Variants in SULT2A1 observed in about 807,000 individuals in gnomAD.
The protein encoded by SULT2A1 is sulfotransferase family 2A member 1.
Under a neutral mutation model 33.9 loss-of-function variants are expected in SULT2A1, and 43 were observed. That is an observed-to-expected ratio of 1.27 (90% CI 1.00 to 1.64). The LOEUF (loss-of-function observed/expected upper bound fraction) is 1.64, where lower values mean the gene tolerates loss of function less well. Among genes scored for constraint, SULT2A1 ranks in the 40% most tolerant of loss-of-function variants. SULT2A1 has a pLI of 0.00. For missense variants in SULT2A1, 300 were observed against 335.1 expected (o/e 0.90, Z 0.82); for synonymous variants, 125 against 113.6 (o/e 1.10, Z -0.64).
chr19:47,874,381 A>T (rs994158037), intron 5 of SULT2A1, among the ~76,000 whole-genome samples: 1 of 152,096 alleles, frequency 6.6e-6, no homozygotes, highest in Admixed American at 6.6e-5. Flanking sequence ...TTTACTAAAG[A>T]TACAAAAATT....
At chr19:47,875,954 C>G (rs925271336) in intron 4 of SULT2A1, among the ~76,000 whole-genome samples, 1 of 152,080 alleles carries the variant, frequency 6.6e-6, no homozygotes, top group Non-Finnish European at 1.5e-5. Flanking sequence ...TATATTTCAT[C>G]TCAATAATTA....
chr19:47,873,614 CTTTTTTTTTTT>C (rs61271763), intron 5 of SULT2A1, among the ~76,000 whole-genome samples: 6 of 62,098 alleles, frequency 9.7e-5, no homozygotes, highest in East Asian at 1.4e-3. Context: ...GGACAGATCT[CTTTTTTTTTTT>C]TTTTTTTTTT....
At chr19:47,882,371 G>A (rs890823236) in intron 2 of SULT2A1, among the ~76,000 whole-genome samples, 161 bp from the exon 3 acceptor site, 3 of 152,036 alleles carry the variant, frequency 2.0e-5, no homozygotes, top group Non-Finnish European at 2.9e-5. Flanking sequence ...CAAATTTGAT[G>A]TGCCTATGAA....
At chr19:47,885,636 C>A (rs1385271472) in intron 1 of SULT2A1, among the ~76,000 whole-genome samples, 2 of 152,146 alleles carry the variant, frequency 1.3e-5, no homozygotes, top group Non-Finnish European at 2.9e-5. Context: ...GCTCTTACCG[C>A]CCTCCACCCA....
chr19:47,879,137 G>T lies in SULT2A1; in HGVS notation c.473-7C>A. The T allele has an allele frequency of 6.3e-7, 1 of 1,590,724 alleles. No homozygotes were observed. The highest frequency in any genetic ancestry group is 8.6e-7 in the Non-Finnish European group (1 of 1,159,088). ...AACCATGACCCATATAGCACTGCATGGGGTGGCAGAAAAAGTGATAGGTTA... is the reference window on the plus strand; with the variant it reads ...AACCATGACCCATATAGCACTGCATTGGGTGGCAGAAAAAGTGATAGGTTA... On this transcript the variant is annotated splice_polypyrimidine_tract_variant and splice_region_variant and intron_variant, in intron 3 of 5. Coordinates refer to ENST00000222002, the MANE Select transcript of SULT2A1 (RefSeq NM_003167.4).
In SULT2A1 at chr19:47,871,128, T is replaced by C. The variant is rs4149454; in HGVS notation, c.*327A>G. 0.23 allele frequency: 40,098 copies of C among 173,210 alleles called. 5,709 individuals are homozygous for C. The highest frequency in any genetic ancestry group is 0.3 in the Non-Finnish European group (24,728 of 83,812). The allele number at this position is 173,210 out of a possible 1,614,324, so 10.7% of individuals were successfully genotyped here. ...TCCCAAAGTGCTGGGATTACAGACA[T>C]GAGCCAATGCGCCTGGCTAATTTTT... On this transcript the variant is annotated 3_prime_UTR_variant, in exon 6 of 6. Transcript: ENST00000222002.
intron 3 of SULT2A1, 118 bp downstream of exon 3, chr19:47,881,966 C>T (rs1032773325): frequency 1.4e-6 from 2 of 1,395,782 alleles, no homozygotes; most frequent in African/African-American, 2.9e-5. Context: ...GGTTTGGCCT[C>T]CAGGGGTGGT....
intron 5 of SULT2A1, among the ~76,000 whole-genome samples, chr19:47,873,077 G>A (rs772838405): frequency 6.6e-6 from 1 of 151,596 alleles, no homozygotes; most frequent in Non-Finnish European, 1.5e-5. Flanking sequence ...TTACTTTTAC[G>A]ATTGCCCAAG....
At chr19:47,872,509 C>T (rs1322215257) in intron 5 of SULT2A1, among the ~76,000 whole-genome samples, 2 of 152,104 alleles carry the variant, frequency 1.3e-5, no homozygotes, top group African/African-American at 2.4e-5. Flanking sequence ...CACGCTCCTT[C>T]TCCTTGGAAC....
At chr19:47,876,582 C>G (rs2060818479) in intron 4 of SULT2A1, among the ~76,000 whole-genome samples, 1 of 151,958 alleles carries the variant, frequency 6.6e-6, no homozygotes, top group Admixed American at 6.6e-5. Flanking sequence ...CCAGCTTGGT[C>G]AACGTGGTGA....
At position 47,870,718 on chromosome 19, in the gene SULT2A1, G is replaced by A. The variant is rs1456461339; in HGVS notation, c.*737C>T. ...ATTTAGACATCCTTTTAGGTAGTAC[G>A]TACATTATTCTTGTAGCATTCTGTA... On this transcript the variant is annotated 3_prime_UTR_variant, in exon 6 of 6. Transcript: ENST00000222002. 3 of 147,418 alleles carry A rather than the reference G, an allele frequency of 2.0e-5. No homozygotes were observed. Among genetic ancestry groups the A allele is most frequent in the African/African-American group, 4.9e-5 (2 of 41,076 alleles). The allele number at this position is 147,418 out of a possible 1,614,324, so 9.1% of individuals were successfully genotyped here.
In SULT2A1 at chr19:47,886,249, G is replaced by A. The variant is rs766762786; in HGVS notation, c.9C>T (p.Asp3=). ...CTATGCCTTCAAACCATAAGAAATC[G>A]TCCGACATGATGATGACCTCTTCCT... MS[D]DFLWFEGIAF... is the part of the protein sequence containing the mutation. Residue 3 remains aspartate (D), a synonymous_variant, in exon 1 of 6, where the codon GAC becomes GAT. Coordinates refer to ENST00000222002, the MANE Select transcript of SULT2A1 (RefSeq NM_003167.4). The A allele has an allele frequency of 3.8e-5, 62 of 1,613,802 alleles. No homozygotes were observed. Among genetic ancestry groups the A allele is most frequent in the Middle Eastern group, 1.6e-4 (1 of 6,082 alleles).
chr19:47,881,280 C>T (rs1600038232), intron 3 of SULT2A1, among the ~76,000 whole-genome samples: 1 of 152,144 alleles, frequency 6.6e-6, no homozygotes, highest in Non-Finnish European at 1.5e-5. Context: ...AGGTGATCCA[C>T]CTGCCTTGGC....
chr19:47,877,113 A>G (rs1029457702), intron 4 of SULT2A1, among the ~76,000 whole-genome samples: 2 of 151,054 alleles, frequency 1.3e-5, no homozygotes, highest in Non-Finnish European at 2.9e-5. Context: ...TGCCCAGACC[A>G]TAGGCCATAG....
At chr19:47,871,622 C>T in intron 5 of SULT2A1, 55 bp from the exon 6 acceptor site, 1 of 1,150,882 alleles carries the variant, frequency 8.7e-7, no homozygotes, top group Non-Finnish European at 1.3e-6. Flanking sequence ...TGACCTGTCT[C>T]CACCAGGCAC....
chr19:47,883,204 T>C (rs773682603), intron 2 of SULT2A1, among the ~76,000 whole-genome samples: 67 of 152,010 alleles, frequency 4.4e-4, no homozygotes, highest in Non-Finnish European at 8.7e-4. Context: ...GTCTTTTCTG[T>C]GGCAGGAGGC....
rs1968480868 is a variant in SULT2A1, at chr19:47,870,682, TA to T, written c.*772del. 1 of 148,030 alleles carries T rather than the reference TA, an allele frequency of 6.8e-6. No homozygotes were observed. The highest frequency in any genetic ancestry group is 1.9e-4 in the East Asian group (1 of 5,196). The allele number at this position is 148,030 out of a possible 1,614,324, so 9.2% of individuals were successfully genotyped here. ...TGTCACTGTAGCTATTTCTTATTTT[TA>T]TTAACAAACATTTAGACATCCTTTT... is the stretch of plus-strand genomic sequence containing the variant. On this transcript the variant is annotated 3_prime_UTR_variant, in exon 6 of 6. Transcript: ENST00000222002.
Position 47,871,358 on chromosome 19 carries a change from AAAT to A in SULT2A1, c.*94_*96del. 1.1e-6 allele frequency: 1 copy of A among 917,020 alleles called. No homozygotes were observed. The highest frequency in any genetic ancestry group is 1.7e-6 in the Non-Finnish European group (1 of 578,602). The allele number at this position is 917,020 out of a possible 1,614,324, so 56.8% of individuals were successfully genotyped here. On this transcript the variant is annotated 3_prime_UTR_variant, in exon 6 of 6. Transcript: ENST00000222002. ...GTTTGATATTTAAGGTTTCAGGATA[AAAT>A]AATAAGTCTTACACAATGACCCCAG...
Position 47,872,164 on chromosome 19 carries a change from C to T in SULT2A1, c.746-597G>A, listed in dbSNP as rs62529872. Among the ~76,000 whole-genome samples the T allele has an allele frequency of 6.4e-3, 975 of 152,220 alleles. 6 individuals are homozygous for T. The highest frequency in any genetic ancestry group is 0.011 in the Non-Finnish European group (758 of 68,000). On this transcript the variant is annotated intron_variant, in intron 5 of 5. Transcript: ENST00000222002. Reference sequence around the variant, plus strand: ...AACTTCTGACCTCAGGTGATCCGCCCGCCTTGGCCTCCCAAAGTGCTGGGA... The same window carrying T: ...AACTTCTGACCTCAGGTGATCCGCCTGCCTTGGCCTCCCAAAGTGCTGGGA...
Sources: allele counts gnomAD v4.1 joint callset (sites outside exome capture counted in the v4.1 genomes callset), GRCh38; gene constraint gnomAD v4.1.1; transcripts MANE v1.5; gene names NCBI Gene and HGNC (gene_info 2026-07-23, HGNC 2026-07-21).